Variants in PHACTR1 observed in about 807,000 individuals in gnomAD.
PHACTR1 encodes the protein RPEL repeat containing 1.
PHACTR1 carries 16 observed loss-of-function variants against 69.2 expected under a neutral mutation model. The ratio of observed to expected loss-of-function variants is 0.23; its 90% CI spans 0.16 to 0.35. PHACTR1 has a LOEUF of 0.35. Among genes scored for constraint, PHACTR1 ranks in the 10% least tolerant of loss-of-function variants. The pLI is 1.00. For missense variants in PHACTR1, 510 were observed against 734.7 expected (o/e 0.69, Z 3.54); for synonymous variants, 312 against 284.5 (o/e 1.10, Z -0.97).
intron 4 of PHACTR1, among the ~76,000 whole-genome samples, chr6:12,951,882 A>T (rs1376506525): frequency 6.6e-6 from 1 of 152,220 alleles, no homozygotes; most frequent in East Asian, 1.9e-4. Flanking sequence ...TCATTTCAAC[A>T]AGAGTTTGTT....
At chr6:12,821,457 CA>C (rs1238646524) in intron 4 of PHACTR1, among the ~76,000 whole-genome samples, 5 of 83,742 alleles carry the variant, frequency 6.0e-5, no homozygotes, top group Admixed American at 1.9e-4. Context: ...AGTGAGATTT[CA>C]CATCAAAAAA....
At chr6:12,848,632 T>C (rs1411480204) in intron 4 of PHACTR1, among the ~76,000 whole-genome samples, 2 of 152,306 alleles carry the variant, frequency 1.3e-5, no homozygotes, top group Admixed American at 1.3e-4. Context: ...AGGTTTTTCT[T>C]CCACATCCTG....
chr6:13,205,670 C>T (rs964125969), intron 7 of PHACTR1, 145 bp from the exon 8 acceptor site: 1 of 714,248 alleles, frequency 1.4e-6, no homozygotes, highest in South Asian at 1.9e-5. Context: ...GAGTAGCACT[C>T]ATCACGCTGG....
intron 4 of PHACTR1, among the ~76,000 whole-genome samples, chr6:12,886,780 A>G (rs575954764): frequency 6.6e-6 from 1 of 152,222 alleles, no homozygotes; most frequent in East Asian, 1.9e-4. Context: ...TGTGTCTGAT[A>G]CTTCCTTTCT....
chr6:13,258,959 A>G (rs4711956), intron 10 of PHACTR1, among the ~76,000 whole-genome samples: 11,441 of 152,306 alleles, frequency 0.075, 718 homozygotes, highest in Admixed American at 0.22. Context: ...GCCTAGCCCA[A>G]TTTCTGGCAC....
At chr6:12,948,967 G>T (rs1477930288) in intron 4 of PHACTR1, among the ~76,000 whole-genome samples, 1 of 152,016 alleles carries the variant, frequency 6.6e-6, no homozygotes, top group Non-Finnish European at 1.5e-5. Context: ...GTGACATTGG[G>T]GTACAAAGAA....
intron 10 of PHACTR1, among the ~76,000 whole-genome samples, chr6:13,269,689 C>A (rs568817094): frequency 6.6e-6 from 1 of 151,968 alleles, no homozygotes; most frequent in African/African-American, 2.4e-5. Context: ...AAAACTAGCA[C>A]GGGGCATGGT....
chr6:13,192,793 C>T (rs774646508), intron 7 of PHACTR1, among the ~76,000 whole-genome samples: 2 of 152,176 alleles, frequency 1.3e-5, no homozygotes, highest in Non-Finnish European at 2.9e-5. Context: ...GTGTTCCCTG[C>T]TGAGTCCTTA....
chr6:12,798,972 T>C, intron 4 of PHACTR1, among the ~76,000 whole-genome samples: 1 of 152,238 alleles, frequency 6.6e-6, no homozygotes, highest in Non-Finnish European at 1.5e-5. Context: ...TAAGATTCTT[T>C]CTTCTCTGAA....
intron 4 of PHACTR1, among the ~76,000 whole-genome samples, chr6:12,808,295 A>G (rs1386031199): frequency 2.0e-5 from 3 of 152,198 alleles, no homozygotes; most frequent in Non-Finnish European, 4.4e-5. Flanking sequence ...GTTTAAAAGT[A>G]TATATTTTAA....
intron 4 of PHACTR1, among the ~76,000 whole-genome samples, chr6:12,788,935 A>G (rs557833083): frequency 3.3e-5 from 5 of 152,388 alleles, no homozygotes; most frequent in South Asian, 2.1e-4. Flanking sequence ...AAAGGAAGGT[A>G]GGAGCTGAAG....
At chr6:13,112,073 G>T (rs997085194) in intron 5 of PHACTR1, among the ~76,000 whole-genome samples, 1 of 151,990 alleles carries the variant, frequency 6.6e-6, no homozygotes, top group African/African-American at 2.4e-5. Flanking sequence ...GCTCCCCTCT[G>T]TGTGTCCATG....
chr6:12,724,392 T>C (rs1468619653), intron 3 of PHACTR1, among the ~76,000 whole-genome samples: 2 of 152,194 alleles, frequency 1.3e-5, no homozygotes, highest in Non-Finnish European at 2.9e-5. Context: ...GCCCCTTGTA[T>C]ATTCATTGTA....
chr6:12,873,553 A>G (rs1782267361), intron 4 of PHACTR1, among the ~76,000 whole-genome samples: 1 of 152,156 alleles, frequency 6.6e-6, no homozygotes, highest in African/African-American at 2.4e-5. Context: ...AATACAGGTA[A>G]GTATACGTTT....
chr6:13,140,024 C>T (rs1383158183), intron 5 of PHACTR1, among the ~76,000 whole-genome samples: 1 of 152,202 alleles, frequency 6.6e-6, no homozygotes, highest in East Asian at 1.9e-4. Context: ...TTTAAGCTCA[C>T]AGCCAAATAT....
chr6:13,197,783 C>G (rs1182526422), intron 7 of PHACTR1, among the ~76,000 whole-genome samples: 2 of 152,212 alleles, frequency 1.3e-5, no homozygotes, highest in African/African-American at 4.8e-5. Flanking sequence ...CTCTGCACCT[C>G]CTTCCCAGCC....
chr6:12,797,311 C>T (rs1773150149), intron 4 of PHACTR1, among the ~76,000 whole-genome samples: 2 of 152,184 alleles, frequency 1.3e-5, no homozygotes, highest in African/African-American at 4.8e-5. Context: ...GGCATACATT[C>T]ACGGACTGCA....
At chr6:12,783,894 G>T (rs985867885) in intron 4 of PHACTR1, among the ~76,000 whole-genome samples, 11 of 152,088 alleles carry the variant, frequency 7.2e-5, no homozygotes, top group Admixed American at 2.6e-4. Flanking sequence ...AGAAAGGGAA[G>T]ATCAACACAA....
intron 4 of PHACTR1, among the ~76,000 whole-genome samples, chr6:12,972,042 A>G (rs981515208): frequency 6.6e-6 from 1 of 152,160 alleles, no homozygotes; most frequent in African/African-American, 2.4e-5. Flanking sequence ...AAATTATTTC[A>G]TTTAAACTTC....
Sources: allele counts gnomAD v4.1 joint callset (sites outside exome capture counted in the v4.1 genomes callset), GRCh38; gene constraint gnomAD v4.1.1; transcripts MANE v1.5; gene names NCBI Gene and HGNC (gene_info 2026-07-23, HGNC 2026-07-21).